The following ACBD5 variants were observed in gnomAD, a reference collection of about 807,000 sequenced individuals.
ACBD5 encodes acyl-CoA-binding domain-containing protein 5.
In ACBD5, 40 loss-of-function variants were observed where a neutral mutation model predicts 71.8. The observed-to-expected ratio is 0.56, with a 90% CI of 0.43 to 0.72. The LOEUF is 0.72. ACBD5 is among the 30% of genes least tolerant of loss of function. The pLI is 0.00. For synonymous variants in ACBD5, 229 were observed against 218.6 expected, an observed-to-expected ratio of 1.05 and a Z score of -0.42; for missense variants, 559 against 644.5, an observed-to-expected ratio of 0.87 and a Z score of 1.44.
At chr10:27,203,842 GC>G (rs761720964) in intron 12 of ACBD5, among the ~76,000 whole-genome samples, 42 of 151,976 alleles carry the variant, frequency 2.8e-4, no homozygotes, top group Admixed American at 9.2e-4. Flanking sequence ...TCCCTATGTT[GC>G]CCAGGCTAGT....
chr10:27,229,526 C>G (rs1224049878), intron 4 of ACBD5, among the ~76,000 whole-genome samples: 2 of 151,820 alleles, frequency 1.3e-5, no homozygotes, highest in African/African-American at 4.8e-5. Context: ...ACCTGGACAA[C>G]AGAACCAGAT....
chr10:27,193,242 C>T (rs188238801), downstream of ACBD5: 103 of 133,834 alleles, frequency 7.7e-4, no homozygotes, highest in African/African-American at 2.9e-3. Flanking sequence ...GCCTGGCCAA[C>T]ATGGAGAAAC....
chr10:27,213,759 G>GCAAAA (rs2061349639), intron 8 of ACBD5, among the ~76,000 whole-genome samples: 1 of 135,674 alleles, frequency 7.4e-6, no homozygotes. Context: ...CTCCGCCTCA[G>GCAAAA]AAAAAAAAAA....
At chr10:27,205,176 A>C in intron 11 of ACBD5, 22 bp downstream of exon 11, 1 of 1,607,440 alleles carries the variant, frequency 6.2e-7, no homozygotes, top group East Asian at 2.2e-5. Context: ...CTGGCATTTA[A>C]ATTTTTTAAA....
chr10:27,193,436 A>G (rs75135632), downstream of ACBD5: 1,250 of 150,080 alleles, frequency 8.3e-3, 45 homozygotes, highest in East Asian at 0.11. Flanking sequence ...AAAAGAGAGA[A>G]AAAAAAAAAG....
chr10:27,202,969 CTTTTTT>C (rs775633178), intron 12 of ACBD5, among the ~76,000 whole-genome samples: 1 of 70,780 alleles, frequency 1.4e-5, no homozygotes, highest in African/African-American at 6.0e-5. Flanking sequence ...TCTATATCCT[CTTTTTT>C]TTTTTTTTTT....
rs74126945 is a variant in ACBD5, at chr10:27,231,900, T to C, written c.303-80A>G. On this transcript the variant is annotated intron_variant, in intron 3 of 12. Coordinates refer to ENST00000396271, the MANE Select transcript of ACBD5 (RefSeq NM_145698.5). ...AGAATACAATTTATAGTTGATGCTA[T>C]AGGGTTACTAATTAAAACAGGTTCT... 5,675 of 1,328,212 alleles carry C rather than the reference T, an allele frequency of 4.3e-3. 151 individuals carry two copies. The African/African-American group carries it at 0.065, about 15-fold the overall frequency. 82.3% of individuals were successfully genotyped at this position (1,328,212 alleles called of 1,614,324 possible).
chr10:27,192,351 T>A (rs1351826331), downstream of ACBD5, among the ~76,000 whole-genome samples: 2 of 151,280 alleles, frequency 1.3e-5, no homozygotes, highest in Admixed American at 1.3e-4. Context: ...GCTTAAACAC[T>A]CTCTCTCTCC....
At position 27,184,734 on chromosome 10, in the gene ACBD5, T is replaced by C. The variant is rs540316495; in HGVS notation, c.1494-2019A>G. ...TCCCACCACACCTGGCTAATTTTTG[T>C]ATTTTTAGTAGAGACGGGGTTTCAC... On this transcript the variant is annotated intron_variant, in intron 13 of 13. Coordinates refer to the ACBD5 transcript ENST00000676511. Among the ~76,000 whole-genome samples the C allele has an allele frequency of 2.0e-4, 30 of 152,030 alleles. No individual in the cohort carries two copies. In the East Asian group the frequency reaches 5.6e-3, roughly 28 times the overall value.
At chr10:27,183,239 A>T (rs2058428907) in intron 13 of ACBD5, among the ~76,000 whole-genome samples, 1 of 150,884 alleles carries the variant, frequency 6.6e-6, no homozygotes, top group African/African-American at 2.4e-5. Context: ...GGAAACTAGT[A>T]AATCTCATTA....
rs1212268817 is a variant in ACBD5 at position 27,204,426 on chromosome 10, G to T, written c.1565+14C>A. The T allele has an allele frequency of 6.3e-7, 1 of 1,584,680 alleles. No individual in the cohort carries two copies. Among genetic ancestry groups the T allele is most frequent in the Admixed American group, 1.7e-5 (1 of 59,970 alleles). ...AGAGTTATACACCATTTCAAATGATGAAACTGGTCTTACCTTCTCCTTCTT... is the reference window on the plus strand; with the variant it reads ...AGAGTTATACACCATTTCAAATGATTAAACTGGTCTTACCTTCTCCTTCTT... On this transcript the variant is annotated intron_variant, in intron 12 of 12. Transcript: ENST00000396271.
At chr10:27,210,010 T>C (rs1753394) in intron 9 of ACBD5, among the ~76,000 whole-genome samples, 27,266 of 152,184 alleles carry the variant, frequency 0.18, 2,987 homozygotes, top group East Asian at 0.29. Context: ...TTAAGACAGA[T>C]TCCAAAAAGA....
chr10:27,203,255 G>A (rs2060122293), intron 12 of ACBD5, among the ~76,000 whole-genome samples: 1 of 151,740 alleles, frequency 6.6e-6, no homozygotes. Flanking sequence ...TAAAGTCCCG[G>A]GATTATAGAC....
chr10:27,241,460 G>C (rs1212459500), upstream of ACBD5, among the ~76,000 whole-genome samples: 1 of 152,180 alleles, frequency 6.6e-6, no homozygotes. Context: ...CCGAAGGAGA[G>C]AGGAGGTCGC....
rs1466139656 is a variant in ACBD5 at position 27,197,299 on chromosome 10, C to T, written c.*131G>A. On this transcript the variant is annotated 3_prime_UTR_variant, in exon 13 of 13. Transcript: ENST00000396271. ...AAATATATATGTGTATATATGTACA[C>T]AAACTAAACTACTGGACAACAAAAA... The T allele has an allele frequency of 1.2e-6, 1 of 863,256 alleles. No individual in the cohort carries two copies. The highest frequency in any genetic ancestry group is 1.9e-6 in the Non-Finnish European group (1 of 516,060). The allele number at this position is 863,256 out of a possible 1,614,324, so 53.5% of individuals were successfully genotyped here.
intron 4 of ACBD5, among the ~76,000 whole-genome samples, chr10:27,224,554 T>G (rs1481826334): frequency 6.6e-6 from 1 of 152,202 alleles, no homozygotes; most frequent in African/African-American, 2.4e-5. Flanking sequence ...CCTTCATAAA[T>G]ATGGGCCAAT....
intron 5 of ACBD5, among the ~76,000 whole-genome samples, chr10:27,220,093 G>A (rs1464433824): frequency 1.3e-5 from 2 of 152,068 alleles, no homozygotes; most frequent in Non-Finnish European, 2.9e-5. Flanking sequence ...CAGGCAGAGG[G>A]TAAATTATTT....
downstream of ACBD5, among the ~76,000 whole-genome samples, chr10:27,192,633 A>T (rs946829501): frequency 6.6e-6 from 1 of 152,156 alleles, no homozygotes; most frequent in East Asian, 1.9e-4. Context: ...AGTAAAATTT[A>T]AAAAATAACT....
rs558513255 is a variant in ACBD5, at chr10:27,202,761, A to T, written c.1565+1679T>A. Among the ~76,000 whole-genome samples the T allele has an allele frequency of 4.6e-5, 7 of 152,210 alleles. No individual in the cohort carries two copies. The South Asian group carries it at 1.5e-3, about 32-fold the overall frequency. ...ACTTTGAGATGCATTAAAAATATGT[A>T]AACATCTCCCCATAAGCAGCAGTGG... On this transcript the variant is annotated intron_variant, in intron 12 of 12. Transcript: ENST00000396271.
Sources: allele counts gnomAD v4.1 joint callset (sites outside exome capture counted in the v4.1 genomes callset), GRCh38; gene constraint gnomAD v4.1.1; transcripts MANE v1.5; gene names NCBI Gene and HGNC (gene_info 2026-07-23, HGNC 2026-07-21).